Variants in PPARGC1A observed in about 807,000 individuals in gnomAD.
PPARGC1A encodes PPARG coactivator 1 alpha.
A neutral mutation model predicts 88.7 loss-of-function variants in PPARGC1A; 25 were observed. That is an observed-to-expected ratio of 0.28 (90% CI 0.21 to 0.39). The LOEUF (loss-of-function observed/expected upper bound fraction) is 0.39, where lower values mean the gene tolerates loss of function less well. Among genes scored for constraint, PPARGC1A ranks in the 10% least tolerant of loss-of-function variants. The probability of loss-of-function intolerance (pLI) is 1.00; values close to 1 mark genes in which losing one functional copy is unlikely to be tolerated. For missense variants in PPARGC1A, 880 were observed against 968.7 expected, an observed-to-expected ratio of 0.91 and a Z score of 1.22; for synonymous variants, 363 against 355.6, an observed-to-expected ratio of 1.02 and a Z score of -0.24.
chr4:23,848,317 A>G (rs929819656), intron 2 of PPARGC1A, among the ~76,000 whole-genome samples: 1 of 152,180 alleles, frequency 6.6e-6, no homozygotes, highest in Non-Finnish European at 1.5e-5. Flanking sequence ...GACTATAACA[A>G]CCGGCATAAA....
the PPARGC1A span, among the ~76,000 whole-genome samples, chr4:24,299,531 G>A: frequency 8.6e-4 from 130 of 151,682 alleles, no homozygotes; most frequent in African/African-American, 2.9e-3. Context: ...TAAGCGTCTC[G>A]TGCAGCCCTG....
chr4:24,343,401 C>T, the PPARGC1A span, among the ~76,000 whole-genome samples: 4 of 152,060 alleles, frequency 2.6e-5, no homozygotes, highest in African/African-American at 9.7e-5. Context: ...GAGTTTCCTT[C>T]TTCCCTTTCA....
chr4:24,187,598 C>A, the PPARGC1A span, among the ~76,000 whole-genome samples: 5 of 152,140 alleles, frequency 3.3e-5, no homozygotes, highest in African/African-American at 1.2e-4. Flanking sequence ...GAAAGAGAAG[C>A]TTTTACAGTA....
At chr4:24,425,286 T>A in the PPARGC1A span, among the ~76,000 whole-genome samples, 19 of 152,328 alleles carry the variant, frequency 1.2e-4, no homozygotes, top group African/African-American at 4.6e-4. Flanking sequence ...GGACACACAT[T>A]ATAACATAAT....
the PPARGC1A span, among the ~76,000 whole-genome samples, chr4:24,364,645 C>T: frequency 6.6e-6 from 1 of 152,252 alleles, no homozygotes; most frequent in East Asian, 1.9e-4. Flanking sequence ...GGAAACTGAG[C>T]TTTCCTGAGA....
chr4:23,901,958 G>GCCAA (rs1719451200), upstream of PPARGC1A, among the ~76,000 whole-genome samples: 1 of 152,020 alleles, frequency 6.6e-6, no homozygotes, highest in African/African-American at 2.4e-5. Flanking sequence ...AACTATGCCA[G>GCCAA]CCAACGCAGT....
the PPARGC1A span, among the ~76,000 whole-genome samples, chr4:24,235,478 C>G: frequency 6.6e-6 from 1 of 152,318 alleles, no homozygotes; most frequent in African/African-American, 2.4e-5. Flanking sequence ...CAATAAGCCT[C>G]TTTCACAATT....
the PPARGC1A span, among the ~76,000 whole-genome samples, chr4:23,951,429 C>T: frequency 3.9e-5 from 6 of 152,064 alleles, no homozygotes; most frequent in South Asian, 2.1e-4. Context: ...ACAACTCACC[C>T]ATGAATAGGA....
At chr4:24,075,497 C>T in the PPARGC1A span, among the ~76,000 whole-genome samples, 1 of 152,130 alleles carries the variant, frequency 6.6e-6, no homozygotes, top group Non-Finnish European at 1.5e-5. Context: ...ACTGCTAATC[C>T]TGCTCCAACT....
the PPARGC1A span, among the ~76,000 whole-genome samples, chr4:24,397,832 A>G: frequency 3.3e-5 from 5 of 152,354 alleles, no homozygotes; most frequent in South Asian, 1.0e-3. Context: ...AAACAGCGAG[A>G]TGCAAAACAG....
At chr4:23,808,252 A>G (rs1014637668) in intron 10 of PPARGC1A, among the ~76,000 whole-genome samples, 1 of 140,582 alleles carries the variant, frequency 7.1e-6, no homozygotes, top group African/African-American at 3.0e-5. Flanking sequence ...CTCCATCTCA[A>G]AAAAAAAAAA....
the PPARGC1A span, among the ~76,000 whole-genome samples, chr4:24,450,348 C>T: frequency 6.6e-6 from 1 of 152,274 alleles, no homozygotes. Flanking sequence ...TAACTCTTAA[C>T]CTCAGAAGGT....
At chr4:24,142,768 T>C in the PPARGC1A span, among the ~76,000 whole-genome samples, 2 of 152,174 alleles carry the variant, frequency 1.3e-5, no homozygotes, top group Non-Finnish European at 2.9e-5. Flanking sequence ...ATTAGGTTCA[T>C]GTGGGTCACT....
At chr4:24,270,830 T>G in the PPARGC1A span, among the ~76,000 whole-genome samples, 1 of 151,936 alleles carries the variant, frequency 6.6e-6, no homozygotes, top group Admixed American at 6.6e-5. Flanking sequence ...GTTTACAGTT[T>G]AAAACTCTTA....
At chr4:24,038,971 G>T in the PPARGC1A span, among the ~76,000 whole-genome samples, 19 of 152,216 alleles carry the variant, frequency 1.2e-4, no homozygotes, top group African/African-American at 3.6e-4. Flanking sequence ...CCACAGTGAG[G>T]TCTTGTCTTA....
chr4:24,096,653 G>T, the PPARGC1A span, among the ~76,000 whole-genome samples: 1 of 152,164 alleles, frequency 6.6e-6, no homozygotes, highest in Non-Finnish European at 1.5e-5. Context: ...CACACTTTCA[G>T]TACGTCAGGA....
the PPARGC1A span, among the ~76,000 whole-genome samples, chr4:23,971,826 C>T: frequency 6.6e-6 from 1 of 152,198 alleles, no homozygotes. Flanking sequence ...TTAACCATCA[C>T]ACCACCCAAA....
At chr4:23,831,875 C>A in intron 2 of PPARGC1A, 124 bp from the exon 3 acceptor site, 1 of 748,124 alleles carries the variant, frequency 1.3e-6, no homozygotes, top group Non-Finnish European at 2.2e-6. Flanking sequence ...TTCCAGAACA[C>A]AAAGATCATG....
the PPARGC1A span, among the ~76,000 whole-genome samples, chr4:24,014,919 T>C: frequency 6.6e-6 from 1 of 152,172 alleles, no homozygotes; most frequent in South Asian, 2.1e-4. Context: ...TATTGACATA[T>C]TTTGACCACA....
Sources: gnomAD v4.1 joint callset for allele counts (sites outside exome capture counted in the v4.1 genomes callset) on GRCh38, gnomAD v4.1.1 for gene constraint, MANE v1.5 for transcripts, NCBI Gene and HGNC (gene_info 2026-07-23, HGNC 2026-07-21) for gene names.